Variants in SGO1 observed in about 807,000 individuals in gnomAD.
SGO1 encodes shugoshin 1.
SGO1 carries 39 observed loss-of-function variants against 50.5 expected under a neutral mutation model. The ratio of observed to expected loss-of-function variants is 0.77; its 90% CI spans 0.60 to 1.01. The LOEUF is 1.01. Ranked by LOEUF, SGO1 falls within the 50% of genes least tolerant of loss-of-function variation. SGO1 has a pLI of 0.00. For synonymous variants in SGO1, 191 were observed against 205.1 expected (o/e 0.93, Z 0.59); for missense variants, 638 against 606.0 (o/e 1.05, Z -0.55).
intron 5 of SGO1, among the ~76,000 whole-genome samples, chr3:20,175,852 T>C (rs929012211): frequency 1.3e-5 from 2 of 151,624 alleles, no homozygotes; most frequent in African/African-American, 4.8e-5. Flanking sequence ...AGAAAATGAA[T>C]AGTCTATATG....
At chr3:20,175,763 C>T (rs754943975) in intron 5 of SGO1, among the ~76,000 whole-genome samples, 16 of 151,252 alleles carry the variant, frequency 1.1e-4, no homozygotes, top group Admixed American at 2.0e-4. Context: ...CGCACCACTG[C>T]TCTCCAAGCC....
intron 3 of SGO1, among the ~76,000 whole-genome samples, chr3:20,182,290 T>A (rs991350200): frequency 6.6e-6 from 1 of 152,148 alleles, no homozygotes; most frequent in African/African-American, 2.4e-5. Context: ...CTCCTGTCAA[T>A]GGAGAAGTGA....
At position 20,170,147 on chromosome 3, in the gene SGO1, C is replaced by T; in HGVS notation, c.*557G>A. ...GGCTGGGCACAGTGGCTCAGTAATCCCAGCACTTTGGGAGGCCGAGGTGGG... is the reference window on the plus strand; with the variant it reads ...GGCTGGGCACAGTGGCTCAGTAATCTCAGCACTTTGGGAGGCCGAGGTGGG... On this transcript the variant is annotated 3_prime_UTR_variant, in exon 8 of 8. Coordinates refer to ENST00000412997, the MANE Select transcript of SGO1 (RefSeq NM_001199251.3). 1.0e-6 allele frequency: 1 copy of T among 980,074 alleles called. No homozygotes were observed. Among genetic ancestry groups the T allele is most frequent in the Non-Finnish European group, 1.2e-6 (1 of 825,188 alleles). The allele number at this position is 980,074 out of a possible 1,614,324, so 60.7% of individuals were successfully genotyped here. A position where few individuals can be genotyped will look rare whatever the true frequency, so the allele number is the denominator to read the frequency against.
At chr3:20,177,880 T>TATTTATTTATTG (rs1701580724) in intron 4 of SGO1, among the ~76,000 whole-genome samples, 1 of 134,506 alleles carries the variant, frequency 7.4e-6, no homozygotes, top group Non-Finnish European at 1.5e-5. Flanking sequence ...TATGATATTT[T>TATTTATTTATTG]ATTTATTTAT....
chr3:20,164,810 T>C (rs1700213515), downstream of SGO1, among the ~76,000 whole-genome samples: 1 of 151,986 alleles, frequency 6.6e-6, no homozygotes, highest in African/African-American at 2.4e-5. Flanking sequence ...TTATAATAAG[T>C]CAAGAATATG....
At chr3:20,161,586 A>G (rs1700042000) in intron 8 of SGO1, among the ~76,000 whole-genome samples, 1 of 152,188 alleles carries the variant, frequency 6.6e-6, no homozygotes, top group South Asian at 2.1e-4. Context: ...TGTGAATTCC[A>G]TCAGGGCAGA....
chr3:20,174,557 A>ATT lies in SGO1; in HGVS notation c.972_973dup (p.Met325LysfsTer29). 1 of 1,592,464 alleles carries ATT rather than the reference A, an allele frequency of 6.3e-7. No individual in the cohort carries two copies. Among genetic ancestry groups the ATT allele is most frequent in the Non-Finnish European group, 8.6e-7 (1 of 1,168,900 alleles). On this transcript the variant is annotated frameshift_variant, in exon 6 of 8. Transcript: ENST00000412997. LOFTEE classifies it high-confidence loss of function. ...ATCATTGGAACTGACAGATTTGTGC[A>ATT]TTTTTTTTTGGGGAACAGTTTTTTT...
intron 6 of SGO1, 151 bp downstream of exon 6, chr3:20,174,098 T>C: frequency 1.5e-6 from 1 of 653,322 alleles, no homozygotes. Context: ...CCCCCCACTG[T>C]TTAATCAGAC....
intron 3 of SGO1, among the ~76,000 whole-genome samples, chr3:20,180,883 T>A (rs962183600): frequency 6.6e-6 from 1 of 152,186 alleles, no homozygotes; most frequent in East Asian, 1.9e-4. Context: ...TCCCAGCACA[T>A]TGGGAGGCCA....
At chr3:20,183,356 A>T (rs541816869) in intron 3 of SGO1, among the ~76,000 whole-genome samples, 1 of 152,296 alleles carries the variant, frequency 6.6e-6, no homozygotes, top group South Asian at 2.1e-4. Context: ...AGGCTAAACT[A>T]TTTCTTCTGG....
At position 20,174,494 on chromosome 3, in the gene SGO1, G is replaced by A. The variant is rs1247072894; in HGVS notation, c.1037C>T (p.Thr346Ile). Residue 346 changes from threonine (T) to isoleucine (I), a missense_variant, in exon 6 of 8, where the codon ACT becomes ATT. Coordinates refer to ENST00000412997, the MANE Select transcript of SGO1 (RefSeq NM_001199251.3). ...ATTGCTCACTTTTTGTCGGAAAGGAGTAAGATGAACACCCTCTTCCAAATT... is the reference window on the plus strand; with the variant it reads ...ATTGCTCACTTTTTGTCGGAAAGGAATAAGATGAACACCCTCTTCCAAATT... ...NFNLEEGVHLTPFRQKVSNDS... is the reference protein window; with the variant it reads ...NFNLEEGVHLIPFRQKVSNDS... 1.1e-5 allele frequency: 17 copies of A among 1,614,128 alleles called. No homozygotes were observed. Among genetic ancestry groups the A allele is most frequent in the Non-Finnish European group, 1.4e-5 (16 of 1,180,008 alleles).
rs1212063267 is a variant in SGO1, at chr3:20,183,810, A to G, written c.143-6T>C. 1 of 1,602,246 alleles carries G rather than the reference A, an allele frequency of 6.2e-7. No individual in the cohort carries two copies. The highest frequency in any genetic ancestry group is 1.4e-5 in the African/African-American group (1 of 73,840). On this transcript the variant is annotated splice_region_variant and splice_polypyrimidine_tract_variant and intron_variant, in intron 2 of 7. Transcript: ENST00000412997. The stretch of plus-strand genomic sequence containing the variant: ...CAGCAGTGTAGAAGTGTTGGCTAAA[A>G]GAGGATAAAAAAATTTATCAGTTAT...
intron 6 of SGO1, among the ~76,000 whole-genome samples, chr3:20,173,481 A>G (rs1378942785): frequency 6.6e-6 from 1 of 152,158 alleles, no homozygotes; most frequent in East Asian, 1.9e-4. Flanking sequence ...GCTACCACTG[A>G]CTAACTGGCC....
At chr3:20,165,833 C>T (rs1004110647), downstream of SGO1, among the ~76,000 whole-genome samples, 2 of 152,172 alleles carry the variant, frequency 1.3e-5, no homozygotes, top group African/African-American at 4.8e-5. Flanking sequence ...AGGCGAATCA[C>T]TTGATGTTAG....
rs774793963 is a variant in SGO1 at position 20,175,038 on chromosome 3, G to A, written c.493C>T (p.Pro165Ser). The A allele has an allele frequency of 5.8e-6, 9 of 1,543,548 alleles. No homozygotes were observed. The highest frequency in any genetic ancestry group is 7.9e-6 in the Non-Finnish European group (9 of 1,143,956). ...AAATCAACTCCCAGTGTGTCTTGAG[G>A]AATAGTAGGTATCTGATCTGAGAAT... ...FQIEDQIPTI[P>S]QDTLGVDFDS... Residue 165 changes from proline to serine, a missense_variant, in exon 6 of 8, where the codon CCT becomes TCT. By Grantham distance (74) the Pro-to-Ser change is moderately conservative. Transcript: ENST00000412997.
At chr3:20,177,720 A>G (rs1257767224) in intron 4 of SGO1, among the ~76,000 whole-genome samples, 1 of 152,206 alleles carries the variant, frequency 6.6e-6, no homozygotes, top group Non-Finnish European at 1.5e-5. Context: ...ATCAAATTGT[A>G]ACTGTGATCT....
chr3:20,168,864 C>T, downstream of SGO1: 1 of 755,046 alleles, frequency 1.3e-6, no homozygotes, highest in Non-Finnish European at 1.6e-6. Context: ...TCTCCTTGAC[C>T]TCTCGTGATC....
rs1237197809 is a variant in SGO1, at chr3:20,169,546, G to A, written c.*1158C>T. 5 of 984,230 alleles carry A rather than the reference G, an allele frequency of 5.1e-6. No individual in the cohort carries two copies. Among genetic ancestry groups the A allele is most frequent in the East Asian group, 1.1e-4 (1 of 8,828 alleles). The allele number at this position is 984,230 out of a possible 1,614,324, so 61.0% of individuals were successfully genotyped here. A position where few individuals can be genotyped will look rare whatever the true frequency, so the allele number is the denominator to read the frequency against. ...AACCTACAAAGTTCTAAAATTTAAA[G>A]AGGTATATACAAGTATAGACATCAA... On this transcript the variant is annotated 3_prime_UTR_variant, in exon 8 of 8. Transcript: ENST00000412997.
chr3:20,176,354 C>T (rs769995483), intron 5 of SGO1, among the ~76,000 whole-genome samples: 7 of 152,060 alleles, frequency 4.6e-5, no homozygotes, highest in Admixed American at 1.3e-4. Context: ...GAGCTTGACA[C>T]GTAGTAGCAA....
Sources: allele counts gnomAD v4.1 joint callset (sites outside exome capture counted in the v4.1 genomes callset), GRCh38; gene constraint gnomAD v4.1.1; transcripts MANE v1.5; gene names NCBI Gene and HGNC (gene_info 2026-07-23, HGNC 2026-07-21).